Variants in PPME1 observed in about 807,000 individuals in gnomAD.
The protein encoded by PPME1 is protein phosphatase methylesterase 1, also known as testicular secretory protein Li 39.
PPME1 carries 17 observed loss-of-function variants against 56.9 expected under a neutral mutation model. That is an observed-to-expected ratio of 0.30 (90% confidence interval 0.20 to 0.45). PPME1 has a LOEUF of 0.45. Among genes scored for constraint, PPME1 ranks in the 20% least tolerant of loss-of-function variants. PPME1 has a pLI of 1.00. For missense variants in PPME1, 357 were observed against 483.2 expected (o/e 0.74, Z 2.45); for synonymous variants, 122 against 156.2 (o/e 0.78, Z 1.63).
At chr11:74,225,110 T>A (rs991391531) in intron 4 of PPME1, 95 bp from the exon 5 acceptor site, 2 of 799,572 alleles carry the variant, frequency 2.5e-6, no homozygotes, top group Non-Finnish European at 3.9e-6. Context: ...AAGTCCCTAA[T>A]CCATTGTCCA....
chr11:74,171,562 C>T (rs772122941), intron 1 of PPME1, 40 bp downstream of exon 1: 23 of 1,561,272 alleles, frequency 1.5e-5, no homozygotes, highest in Non-Finnish European at 1.8e-5. Context: ...GGCCAGGCCC[C>T]AGCCGTTGGA....
chr11:74,178,271 G>C (rs1857447535), intron 1 of PPME1, among the ~76,000 whole-genome samples: 1 of 152,144 alleles, frequency 6.6e-6, no homozygotes, highest in Non-Finnish European at 1.5e-5. Flanking sequence ...AGCTAAGCTT[G>C]TCTTTTAATT....
At chr11:74,252,308 G>C (rs1315459616) in intron 13 of PPME1, 4 of 307,718 alleles carry the variant, frequency 1.3e-5, no homozygotes, top group Non-Finnish European at 2.6e-5. Flanking sequence ...GGCTGGTCTT[G>C]AACTCCTGGC....
intron 3 of PPME1, among the ~76,000 whole-genome samples, chr11:74,208,157 C>A (rs1858376373): frequency 6.6e-6 from 1 of 151,786 alleles, no homozygotes; most frequent in Admixed American, 6.6e-5. Flanking sequence ...ACTAAAAATA[C>A]AAAAATTAGC....
chr11:74,218,692 A>C (rs1333676762), intron 3 of PPME1, among the ~76,000 whole-genome samples: 1 of 152,216 alleles, frequency 6.6e-6, no homozygotes, highest in Non-Finnish European at 1.5e-5. Context: ...AAAACTGGAT[A>C]TCCATATACA....
At chr11:74,192,752 C>A (rs1857875407) in intron 1 of PPME1, among the ~76,000 whole-genome samples, 1 of 152,156 alleles carries the variant, frequency 6.6e-6, no homozygotes, top group South Asian at 2.1e-4. Context: ...TCCCCCTTCT[C>A]TTGCTTCTGC....
At chr11:74,235,551 C>G (rs1051519067) in intron 7 of PPME1, among the ~76,000 whole-genome samples, 1 of 152,000 alleles carries the variant, frequency 6.6e-6, no homozygotes, top group Admixed American at 6.6e-5. Context: ...TTTCTCTGAC[C>G]TCCTCATTCA....
chr11:74,230,184 A>G lies in PPME1; in HGVS notation c.399-61A>G, dbSNP rs17132855. ...ACACCAAAGAAAGGAACTGGGAAAG[A>G]AAACCATTTTTACAGTGTTGTCAGA... is the stretch of plus-strand genomic sequence containing the variant. On this transcript the variant is annotated intron_variant, in intron 5 of 13. Transcript: ENST00000328257. The surrounding 1 kb of genome is among the most constrained non-coding windows in gnomAD (Gnocchi z 4.9). 0.016 allele frequency: 24,914 copies of G among 1,535,788 alleles called. 510 individuals are homozygous for G. The highest frequency in any genetic ancestry group is 0.1 in the African/African-American group (7,282 of 72,034).
At chr11:74,214,023 A>G (rs1035257245) in intron 3 of PPME1, among the ~76,000 whole-genome samples, 1 of 152,272 alleles carries the variant, frequency 6.6e-6, no homozygotes, top group African/African-American at 2.4e-5. Flanking sequence ...CCAGAGAGAC[A>G]GAGATATGTG....
At chr11:74,231,110 T>C in intron 7 of PPME1, 108 bp downstream of exon 7, 1 of 908,630 alleles carries the variant, frequency 1.1e-6, no homozygotes, top group Non-Finnish European at 1.7e-6. Flanking sequence ...CAGGCTGGAG[T>C]GCAGTGGCAT....
intron 3 of PPME1, among the ~76,000 whole-genome samples, chr11:74,214,687 G>GA (rs138912850): frequency 0.076 from 11,093 of 146,068 alleles, 1,172 homozygotes; most frequent in African/African-American, 0.25. Context: ...AATGCTGAAG[G>GA]GAAAAAAAAA....
chr11:74,204,652 A>T (rs765599308), intron 3 of PPME1, among the ~76,000 whole-genome samples: 4 of 152,176 alleles, frequency 2.6e-5, no homozygotes, highest in Non-Finnish European at 4.4e-5. Flanking sequence ...AATGTTATGT[A>T]TTGTTCTTTG....
At position 74,236,171 on chromosome 11, in the gene PPME1, C is replaced by G. The variant is rs560677979; in HGVS notation, c.710+205C>G. Among the ~76,000 whole-genome samples, 462 of 152,150 alleles carry G rather than the reference C, an allele frequency of 3.0e-3. 4 individuals carry two copies. Among genetic ancestry groups the G allele is most frequent in the African/African-American group, 0.011 (447 of 41,506 alleles). On this transcript the variant is annotated intron_variant, in intron 8 of 13. Transcript: ENST00000328257. Reference sequence around the variant, plus strand: ...TTCTCTCCTTCCTTTCCTTCCCTTTCTTTTTTTTCCTCCTCATTTAATACT... The same window carrying G: ...TTCTCTCCTTCCTTTCCTTCCCTTTGTTTTTTTTCCTCCTCATTTAATACT...
Position 74,253,595 on chromosome 11 carries a change from T to TCCATC in PPME1, c.*88_*92dup. ...GCCACTGTGATGCCACTGTCTCCTC[T>TCCATC]CCATCCCGCCCAGCCATGTGACACT... is the stretch of plus-strand genomic sequence containing the variant. On this transcript the variant is annotated 3_prime_UTR_variant, in exon 14 of 14. Transcript: ENST00000328257. The TCCATC allele has an allele frequency of 6.9e-7, 1 of 1,449,098 alleles. No homozygotes were observed. The highest frequency in any genetic ancestry group is 9.7e-7 in the Non-Finnish European group (1 of 1,030,902). 89.8% of individuals were successfully genotyped at this position (1,449,098 alleles called of 1,614,324 possible).
chr11:74,231,946 G>A (rs1859078193), intron 7 of PPME1, among the ~76,000 whole-genome samples: 1 of 152,140 alleles, frequency 6.6e-6, no homozygotes, highest in Non-Finnish European at 1.5e-5. Context: ...CACTTATTTT[G>A]TGCTAATGAG....
At chr11:74,221,755 C>T (rs188561314) in intron 3 of PPME1, among the ~76,000 whole-genome samples, 1 of 152,014 alleles carries the variant, frequency 6.6e-6, no homozygotes, top group Non-Finnish European at 1.5e-5. Context: ...TAAAATTGTA[C>T]CTCCCCCATG....
intron 3 of PPME1, among the ~76,000 whole-genome samples, chr11:74,206,345 T>C (rs538700669): frequency 3.1e-4 from 47 of 152,340 alleles, no homozygotes; most frequent in Admixed American, 6.5e-4. Context: ...ACTTTCATAA[T>C]TTAAAGACTG....
chr11:74,225,275 CT>C lies in PPME1; in HGVS notation c.398+21del. ...TGGCAAAGTAAGTAACCAAATATTT[CT>C]TATACATTGCCTGTCTCCCATCACT... On this transcript the variant is annotated intron_variant, in intron 5 of 13. Coordinates refer to ENST00000328257, the MANE Select transcript of PPME1 (RefSeq NM_016147.3). 6.6e-7 allele frequency: 1 copy of C among 1,506,120 alleles called. No individual in the cohort carries two copies. Among genetic ancestry groups the C allele is most frequent in the Non-Finnish European group, 9.1e-7 (1 of 1,104,750 alleles). The allele number at this position is 1,506,120 out of a possible 1,614,324, so 93.3% of individuals were successfully genotyped here.
chr11:74,222,638 G>A (rs563671367), intron 4 of PPME1: 36 of 380,518 alleles, frequency 9.5e-5, no homozygotes, highest in African/African-American at 4.9e-4. Flanking sequence ...ACAGGTATGC[G>A]CCACCATGCC....
Sources: allele counts gnomAD v4.1 joint callset (sites outside exome capture counted in the v4.1 genomes callset), GRCh38; gene constraint gnomAD v4.1.1; non-coding constraint Gnocchi (gnomAD v3.1); transcripts MANE v1.5; gene names NCBI Gene and HGNC (gene_info 2026-07-23, HGNC 2026-07-21).